Variants in FABP5 observed in about 807,000 individuals in gnomAD.
FABP5 encodes the protein fatty acid binding protein 5, also known as fatty acid-binding protein 5.
A neutral mutation model predicts 16.9 loss-of-function variants in FABP5; 7 were observed. That is an observed-to-expected ratio of 0.41 (90% CI 0.24 to 0.78). The LOEUF (loss-of-function observed/expected upper bound fraction) is 0.78, where lower values mean the gene tolerates loss of function less well. Ranked by LOEUF, FABP5 falls within the 30% of genes least tolerant of loss-of-function variation. FABP5 has a pLI of 0.30. For missense variants in FABP5, 119 were observed against 159.5 expected (o/e 0.75, Z 1.37); for synonymous variants, 37 against 52.8 (o/e 0.70, Z 1.30).
At chr8:81,280,859 G>A in intron 1 of FABP5, 185 bp downstream of exon 1, 1 of 580,106 alleles carries the variant, frequency 1.7e-6, no homozygotes. Flanking sequence ...GGCAGGCGGC[G>A]AGGAGCAGGG....
chr8:81,283,124 C>T, intron 1 of FABP5: 1 of 356,238 alleles, frequency 2.8e-6, no homozygotes, highest in East Asian at 4.4e-5. Flanking sequence ...CCGTGCCTCG[C>T]TTTCTCATCA....
In FABP5 at chr8:81,284,481, A is replaced by C. The variant is rs750362153; in HGVS notation, c.355-33A>C. On this transcript the variant is annotated intron_variant, in intron 3 of 3. Transcript: ENST00000297258. Reference sequence around the variant, plus strand: ...ACCACTGCTCTGGAATCTAAGGCTAACCTAACTCTTTTAATATCTTTCCTT... The same window carrying C: ...ACCACTGCTCTGGAATCTAAGGCTACCCTAACTCTTTTAATATCTTTCCTT... 5 of 1,486,944 alleles carry C rather than the reference A, an allele frequency of 3.4e-6. No individual in the cohort carries two copies. In the African/African-American group the frequency reaches 5.5e-5, roughly 16 times the overall value. 92.1% of individuals were successfully genotyped at this position (1,486,944 alleles called of 1,614,324 possible). A position where few individuals can be genotyped will look rare whatever the true frequency, so the allele number is the denominator to read the frequency against.
At position 81,284,374 on chromosome 8, in the gene FABP5, C is replaced by T. The variant is rs78340225; in HGVS notation, c.355-140C>T. On this transcript the variant is annotated intron_variant, in intron 3 of 3. Transcript: ENST00000297258. ...AACAGCTTCTGGCTTCTCTCAAACC[C>T]GTGAATTCTGAAAGAAATTTTCTCC... 2.3e-3 allele frequency: 1,402 copies of T among 608,616 alleles called. 20 individuals carry two copies. The highest frequency in any genetic ancestry group is 0.022 in the African/African-American group (1,213 of 54,300). 37.7% of individuals were successfully genotyped at this position (608,616 alleles called of 1,614,324 possible). A position where few individuals can be genotyped will look rare whatever the true frequency, so the allele number is the denominator to read the frequency against.
In FABP5 at chr8:81,280,692, G is replaced by A; in HGVS notation, c.79+18G>A. ...GGAGCTAGGTGAGGCACCCGGCCTG[G>A]CAGCGCCTGCAACGTGGCGTGTTGT... On this transcript the variant is annotated intron_variant, in intron 1 of 3. Coordinates refer to ENST00000297258, the MANE Select transcript of FABP5 (RefSeq NM_001444.3). The A allele has an allele frequency of 4.5e-6, 7 of 1,551,030 alleles. No homozygotes were observed. Among genetic ancestry groups the A allele is most frequent in the Non-Finnish European group, 6.1e-6 (7 of 1,145,656 alleles).
At chr8:81,283,590 T>C (rs1807868665) in intron 2 of FABP5, 52 bp downstream of exon 2, 1 of 1,510,562 alleles carries the variant, frequency 6.6e-7, no homozygotes, top group Non-Finnish European at 8.9e-7. Context: ...TGATAGGCTG[T>C]ATCAATAACA....
rs1366076181 is a variant in FABP5, at chr8:81,281,720, T to C, written c.79+1046T>C. The C allele has an allele frequency of 5.0e-5, 48 of 960,344 alleles. 1 individual carries two copies. The highest frequency in any genetic ancestry group is 5.9e-5 in the Non-Finnish European group (48 of 807,128). The allele number at this position is 960,344 out of a possible 1,614,324, so 59.5% of individuals were successfully genotyped here. On this transcript the variant is annotated intron_variant, in intron 1 of 3. Coordinates refer to ENST00000297258, the MANE Select transcript of FABP5 (RefSeq NM_001444.3). The surrounding 1 kb of genome is among the most constrained non-coding windows in gnomAD (Gnocchi z 4.5). ...AACAGTGCTTCATTATAAATTACTG[T>C]CCTTTTCTATGCCAGTGACAGATTG...
intron 1 of FABP5, 63 bp downstream of exon 1, chr8:81,280,737 T>C: frequency 1.4e-6 from 2 of 1,443,980 alleles, no homozygotes; most frequent in Non-Finnish European, 1.9e-6. Context: ...TGTCCCTAGG[T>C]CCCCGTCAGC....
At position 81,283,992 on chromosome 8, in the gene FABP5, G is replaced by A; in HGVS notation, c.354+18G>A. On this transcript the variant is annotated intron_variant, in intron 3 of 3. Transcript: ENST00000297258. ...TAGTGGTGGTAAGTGTCAAACTGCT[G>A]TGTCTCAGTCAGCTTCTTGTGTGCA... 1.9e-6 allele frequency: 3 copies of A among 1,556,716 alleles called. No individual in the cohort carries two copies. Among genetic ancestry groups the A allele is most frequent in the South Asian group, 2.3e-5 (2 of 88,318 alleles).
At position 81,281,642 on chromosome 8, in the gene FABP5, G is replaced by C. The variant is rs1000184253; in HGVS notation, c.79+968G>C. 1 of 985,312 alleles carries C rather than the reference G, an allele frequency of 1.0e-6. No homozygotes were observed. The highest frequency in any genetic ancestry group is 1.2e-6 in the Non-Finnish European group (1 of 829,940). The allele number at this position is 985,312 out of a possible 1,614,324, so 61.0% of individuals were successfully genotyped here. A position where few individuals can be genotyped will look rare whatever the true frequency, so the allele number is the denominator to read the frequency against. Reference sequence around the variant, plus strand: ...CCCTGCAGAAGGCAGATGACTTCTTGAAGCGTTCCGAGGGAGAATGAATCT... The same window carrying C: ...CCCTGCAGAAGGCAGATGACTTCTTCAAGCGTTCCGAGGGAGAATGAATCT... On this transcript the variant is annotated intron_variant, in intron 1 of 3. Transcript: ENST00000297258. The surrounding 1 kb of genome is among the most constrained non-coding windows in gnomAD (Gnocchi z 4.5).
chr8:81,283,248 C>G, intron 1 of FABP5, 118 bp from the exon 2 acceptor site: 2 of 842,648 alleles, frequency 2.4e-6, no homozygotes, highest in Non-Finnish European at 3.6e-6. Flanking sequence ...CAATAGTTAT[C>G]AATAAGCAAA....
intron 3 of FABP5, 44 bp from the exon 4 acceptor site, chr8:81,284,470 A>G: frequency 7.3e-7 from 1 of 1,363,956 alleles, no homozygotes; most frequent in Non-Finnish European, 1.0e-6. Flanking sequence ...CTGCTCTGGA[A>G]TCTAAGGCTA....
chr8:81,281,823 T>G lies in FABP5; in HGVS notation c.79+1149T>G. 1 of 271,180 alleles carries G rather than the reference T, an allele frequency of 3.7e-6. No individual in the cohort carries two copies. Among genetic ancestry groups the G allele is most frequent in the Non-Finnish European group, 5.7e-6 (1 of 176,948 alleles). 16.8% of individuals were successfully genotyped at this position (271,180 alleles called of 1,614,324 possible). On this transcript the variant is annotated intron_variant, in intron 1 of 3. Coordinates refer to ENST00000297258, the MANE Select transcript of FABP5 (RefSeq NM_001444.3). The surrounding 1 kb of genome is among the most constrained non-coding windows in gnomAD (Gnocchi z 4.5). ...AGGCCACTAGGAAGTGAGATGGAGT[T>G]AGCATAGCATGGATCCTCTCTGGAA...
In FABP5 at chr8:81,283,534, C is replaced by T; in HGVS notation, c.248C>T (p.Thr83Ile). Residue 83 changes from threonine to isoleucine, a missense_variant, in exon 2 of 4, where the codon ACT becomes ATT. By Grantham distance (89) the Thr-to-Ile change is moderately conservative (BLOSUM62 -1). Transcript: ENST00000297258. ...FEETTADGRK[T>I]QTVCNFTDGA... The stretch of plus-strand genomic sequence containing the variant: ...GAAACCACAGCTGATGGCAGAAAAA[C>T]TCAGGTCAGTCGTGACATGTTATGA... The T allele has an allele frequency of 6.2e-7, 1 of 1,610,608 alleles. No individual in the cohort carries two copies. The highest frequency in any genetic ancestry group is 8.5e-7 in the Non-Finnish European group (1 of 1,179,002).
intron 1 of FABP5, among the ~76,000 whole-genome samples, chr8:81,282,221 C>T (rs1473670077): frequency 6.6e-6 from 1 of 150,434 alleles, no homozygotes; most frequent in Non-Finnish European, 1.5e-5. Flanking sequence ...GCCCAAAGAA[C>T]ACTTTTCTCT....
In FABP5 at chr8:81,284,652, C is replaced by CT. The variant is rs373467741; in HGVS notation, c.*95dup. The CT allele has an allele frequency of 8.7e-3, 5,395 of 619,674 alleles. No individual in the cohort carries two copies. The highest frequency in any genetic ancestry group is 0.013 in the Middle Eastern group (29 of 2,246). 38.4% of individuals were successfully genotyped at this position (619,674 alleles called of 1,614,324 possible). A position where few individuals can be genotyped will look rare whatever the true frequency, so the allele number is the denominator to read the frequency against. Reference sequence around the variant, plus strand: ...GAGCAAATCTCCATACTGTTTCTTTCTTTTTTTTTTCATTACTGTGTTCAA... The same window carrying CT: ...GAGCAAATCTCCATACTGTTTCTTTCTTTTTTTTTTTCATTACTGTGTTCAA... On this transcript the variant is annotated 3_prime_UTR_variant, in exon 4 of 4. Coordinates refer to ENST00000297258, the MANE Select transcript of FABP5 (RefSeq NM_001444.3).
chr8:81,282,304 A>G (rs1278240627), intron 1 of FABP5, among the ~76,000 whole-genome samples: 1 of 152,114 alleles, frequency 6.6e-6, no homozygotes, highest in Non-Finnish European at 1.5e-5. Context: ...AAGGTTGTCA[A>G]GACTCAGTTC....
At chr8:81,284,004 G>T in intron 3 of FABP5, 30 bp downstream of exon 3, 1 of 1,493,112 alleles carries the variant, frequency 6.7e-7, no homozygotes. Flanking sequence ...GTCTCAGTCA[G>T]CTTCTTGTGT....
At chr8:81,280,859 G>T in intron 1 of FABP5, 185 bp downstream of exon 1, 2 of 580,108 alleles carry the variant, frequency 3.4e-6, no homozygotes, top group South Asian at 4.1e-5. Context: ...GGCAGGCGGC[G>T]AGGAGCAGGG....
rs183423860 is a variant in FABP5, at chr8:81,284,301, T to C, written c.355-213T>C. On this transcript the variant is annotated intron_variant, in intron 3 of 3. Coordinates refer to ENST00000297258, the MANE Select transcript of FABP5 (RefSeq NM_001444.3). The stretch of plus-strand genomic sequence containing the variant: ...TGCCATAACCAAAAGAATAAAGATA[T>C]ATTCAACACATTAGTTTTCTGTAAA... 189 of 542,974 alleles carry C rather than the reference T, an allele frequency of 3.5e-4. 1 individual carries two copies. The highest frequency in any genetic ancestry group is 2.9e-3 in the African/African-American group (155 of 53,206). 33.6% of individuals were successfully genotyped at this position (542,974 alleles called of 1,614,324 possible). A position where few individuals can be genotyped will look rare whatever the true frequency, so the allele number is the denominator to read the frequency against.
Sources: gnomAD v4.1 joint callset for allele counts (sites outside exome capture counted in the v4.1 genomes callset) on GRCh38, gnomAD v4.1.1 for gene constraint, Gnocchi (gnomAD v3.1) non-coding constraint, MANE v1.5 for transcripts, NCBI Gene and HGNC (gene_info 2026-07-23, HGNC 2026-07-21) for gene names.